TENT4B: variants seen among roughly 807,000 people sequenced by gnomAD.
TENT4B encodes the protein PAP associated domain containing 5.
A neutral mutation model predicts 75.0 loss-of-function variants in TENT4B; 10 were observed. The observed-to-expected ratio is 0.13, with a 90% CI of 0.08 to 0.23. The LOEUF (loss-of-function observed/expected upper bound fraction) is 0.23, where lower values mean the gene tolerates loss of function less well. Among genes scored for constraint, TENT4B ranks in the 10% least tolerant of loss-of-function variants. The pLI is 1.00. For synonymous variants in TENT4B, 350 were observed against 357.7 expected (o/e 0.98, Z 0.24); for missense variants, 579 against 893.8 (o/e 0.65, Z 4.49).
rs34176224 is a variant in TENT4B, at chr16:50,194,744, ATTTTTTTT to A, written c.639-16564_639-16557del. On this transcript the variant is annotated intron_variant, in intron 1 of 11. Transcript: ENST00000561678. ...AGGCGCTAGCCACCGTGCTTGGCTA[ATTTTTTTT>A]TTTTTTTTTTTTTTGAGACGGAGTC... Among the ~76,000 whole-genome samples, 29 of 69,402 alleles carry A rather than the reference ATTTTTTTT, an allele frequency of 4.2e-4. No homozygotes were observed. The East Asian group carries it at 8.1e-3, about 19-fold the overall frequency. The allele number at this position is 69,402 out of a possible 152,430, so 45.5% of individuals were successfully genotyped here. A position where few individuals can be genotyped will look rare whatever the true frequency, so the allele number is the denominator to read the frequency against.
rs116181664 is a variant in TENT4B at position 50,194,390 on chromosome 16, A to G, written c.639-16933A>G. Among the ~76,000 whole-genome samples, 973 of 150,410 alleles carry G rather than the reference A, an allele frequency of 6.5e-3. 9 individuals carry two copies. Among genetic ancestry groups the G allele is most frequent in the African/African-American group, 0.023 (935 of 40,962 alleles). On this transcript the variant is annotated intron_variant, in intron 1 of 11. Coordinates refer to ENST00000561678, the MANE Select transcript of TENT4B (RefSeq NM_001365324.3). ...GCCATCTTGCCTGGCTAGTTTTTGTATTTTTGTAGAGACGGGGTTTCATCA... is the reference window on the plus strand; with the variant it reads ...GCCATCTTGCCTGGCTAGTTTTTGTGTTTTTGTAGAGACGGGGTTTCATCA...
intron 1 of TENT4B, among the ~76,000 whole-genome samples, chr16:50,157,366 A>C (rs1049618357): frequency 6.6e-6 from 1 of 152,192 alleles, no homozygotes; most frequent in African/African-American, 2.4e-5. Flanking sequence ...TACTCACTTC[A>C]TGCTCTTGGT....
At chr16:50,192,677 T>C (rs944747869) in intron 1 of TENT4B, among the ~76,000 whole-genome samples, 2 of 152,230 alleles carry the variant, frequency 1.3e-5, no homozygotes, top group African/African-American at 4.8e-5. Context: ...TGACAATATA[T>C]AGATGAATGT....
intron 1 of TENT4B, among the ~76,000 whole-genome samples, chr16:50,159,296 G>C (rs920298308): frequency 1.3e-5 from 2 of 148,392 alleles, no homozygotes; most frequent in African/African-American, 5.0e-5. Context: ...CCAGGTTGGA[G>C]TGCAGTGGCG....
intron 1 of TENT4B, among the ~76,000 whole-genome samples, chr16:50,198,135 A>AG (rs397723630): frequency 6.7e-6 from 1 of 150,302 alleles, no homozygotes; most frequent in Non-Finnish European, 1.5e-5. Flanking sequence ...AAAAAAAAAA[A>AG]GCCGGGCACA....
Position 50,223,098 on chromosome 16 carries a change from T to G in TENT4B, c.1168-76T>G, listed in dbSNP as rs143898451. On this transcript the variant is annotated intron_variant, in intron 6 of 11. Transcript: ENST00000561678. ...ATTATAATAATATTGCTTGTAGAAG[T>G]TAGAATATAATTTATTCCCCCTCTC... 4.2e-4 allele frequency: 500 copies of G among 1,201,114 alleles called. 3 individuals are homozygous for G. In the East Asian group the frequency reaches 0.011, roughly 25 times the overall value. 74.4% of individuals were successfully genotyped at this position (1,201,114 alleles called of 1,614,324 possible). A position where few individuals can be genotyped will look rare whatever the true frequency, so the allele number is the denominator to read the frequency against.
At position 50,214,228 on chromosome 16, in the gene TENT4B, T is replaced by G; in HGVS notation, c.770T>G (p.Ile257Arg). 6.3e-7 allele frequency: 1 copy of G among 1,583,718 alleles called. No homozygotes were observed. Among genetic ancestry groups the G allele is most frequent in the Non-Finnish European group, 8.6e-7 (1 of 1,156,088 alleles). ...CTTCTTTTTCTGTTTCAGGTCCAGA[T>G]ATTTGGAAGTTTTAAAACTGGACTT... is the stretch of plus-strand genomic sequence containing the variant. ...KELWPSADVQ[I>R]FGSFKTGLYL... Residue 257 changes from isoleucine (I) to arginine (R), a missense_variant, in exon 3 of 12, where the codon ATA (isoleucine) becomes AGA (arginine). Around this residue, in one of 7 missense-constraint regions of TENT4B, gnomAD observed 18 missense variants for 23.9 expected, o/e 0.75. Coordinates refer to ENST00000561678, the MANE Select transcript of TENT4B (RefSeq NM_001365324.3).
At chr16:50,200,763 A>G (rs554979174) in intron 1 of TENT4B, among the ~76,000 whole-genome samples, 1 of 151,720 alleles carries the variant, frequency 6.6e-6, no homozygotes, top group Non-Finnish European at 1.5e-5. Flanking sequence ...GTCTATTTTG[A>G]ATACCTGCCT....
At chr16:50,159,500 A>G (rs1451118932) in intron 1 of TENT4B, among the ~76,000 whole-genome samples, 2 of 152,102 alleles carry the variant, frequency 1.3e-5, no homozygotes, top group South Asian at 4.2e-4. Flanking sequence ...TCGGCCGCCC[A>G]AAGTGCTGGG....
At position 50,227,909 on chromosome 16, in the gene TENT4B, G is replaced by A. The variant is rs377421957; in HGVS notation, c.1871G>A (p.Gly624Glu). Residue 624 changes from glycine to glutamate, a missense_variant, in exon 11 of 12, where the codon GGG (glycine) becomes GAG (glutamate). Around this residue, in one of 7 missense-constraint regions of TENT4B, gnomAD observed 164 missense variants for 226.5 expected, o/e 0.72. Coordinates refer to ENST00000561678, the MANE Select transcript of TENT4B (RefSeq NM_001365324.3). ...LCRPSTGNRV[G>E]SQDVSLESSQ... Reference sequence around the variant, plus strand: ...CGTCCGTCCACTGGGAACCGAGTAGGGTCGCAAGATGTATCCTTGGAGTCC... The same window carrying A: ...CGTCCGTCCACTGGGAACCGAGTAGAGTCGCAAGATGTATCCTTGGAGTCC... The A allele has an allele frequency of 1.2e-5, 20 of 1,613,868 alleles. No homozygotes were observed. In the African/African-American group the frequency reaches 2.0e-4, roughly 16 times the overall value.
intron 1 of TENT4B, among the ~76,000 whole-genome samples, chr16:50,189,618 A>G (rs923107351): frequency 4.0e-5 from 6 of 150,574 alleles, no homozygotes; most frequent in African/African-American, 1.5e-4. Flanking sequence ...TGTATATAAC[A>G]CATCTTATTT....
chr16:50,229,125 C>G, intron 11 of TENT4B, 27 bp from the exon 12 acceptor site: 1 of 1,610,056 alleles, frequency 6.2e-7, no homozygotes, highest in Non-Finnish European at 8.5e-7. Context: ...ATACTGATGT[C>G]TTTGTGGTCG....
intron 10 of TENT4B, among the ~76,000 whole-genome samples, chr16:50,225,814 C>T (rs1395747210): frequency 6.6e-6 from 1 of 151,658 alleles, no homozygotes; most frequent in Non-Finnish European, 1.5e-5. Flanking sequence ...TCCTGAGTAG[C>T]TGGGATTACA....
chr16:50,211,534 A>G (rs748314869), intron 2 of TENT4B, 88 bp downstream of exon 2: 172 of 1,387,532 alleles, frequency 1.2e-4, no homozygotes, highest in Non-Finnish European at 1.6e-4. Flanking sequence ...GCTAGTCCTC[A>G]CATGCAAGTA....
Position 50,153,671 on chromosome 16 carries a change from A to G in TENT4B, c.50A>G (p.Asn17Ser). ...CAGCCAGAGCAGCTCGGACCGTCCA[A>G]CAGTCTGTGGATGCAGATCTGGGAG... ...WFQPEQLGPS[N>S]SLWMQIWETT... The change falls in exon 1 of 12, where the codon AAC becomes AGC. Residue 17 changes from asparagine to serine, a missense_variant. Asn to Ser is a conservative substitution (Grantham distance 46). Coordinates refer to ENST00000561678, the MANE Select transcript of TENT4B (RefSeq NM_001365324.3). The G allele has an allele frequency of 9.8e-7, 1 of 1,016,124 alleles. No individual in the cohort carries two copies. Among genetic ancestry groups the G allele is most frequent in the Non-Finnish European group, 1.2e-6 (1 of 851,134 alleles). 62.9% of individuals were successfully genotyped at this position (1,016,124 alleles called of 1,614,324 possible).
intron 1 of TENT4B, among the ~76,000 whole-genome samples, chr16:50,160,153 C>T (rs1435323754): frequency 6.6e-6 from 1 of 152,174 alleles, no homozygotes; most frequent in Non-Finnish European, 1.5e-5. Flanking sequence ...CTGCCTTGGC[C>T]TCCCACAGTG....
Position 50,229,408 on chromosome 16 carries a change from T to C in TENT4B, c.*80T>C, listed in dbSNP as rs983072639. 2.2e-5 allele frequency: 33 copies of C among 1,504,270 alleles called. No homozygotes were observed. The highest frequency in any genetic ancestry group is 2.9e-5 in the Non-Finnish European group (33 of 1,133,842). 93.2% of individuals were successfully genotyped at this position (1,504,270 alleles called of 1,614,324 possible). ...GTTGCGCAGGGACTCCTGGGAGATA[T>C]TCAGGAGCCTCACACTGTTCAGACG... On this transcript the variant is annotated 3_prime_UTR_variant, in exon 12 of 12. Coordinates refer to ENST00000561678, the MANE Select transcript of TENT4B (RefSeq NM_001365324.3).
chr16:50,200,797 A>ATT (rs768302382), intron 1 of TENT4B, among the ~76,000 whole-genome samples: 1 of 142,832 alleles, frequency 7.0e-6, no homozygotes, highest in Non-Finnish European at 1.5e-5. Context: ...TGTGTTTTTT[A>ATT]TTTTTTTTTT....
intron 1 of TENT4B, among the ~76,000 whole-genome samples, chr16:50,176,738 CT>C (rs1404358578): frequency 6.6e-6 from 1 of 151,942 alleles, no homozygotes; most frequent in Non-Finnish European, 1.5e-5. Context: ...AACTCCTGAC[CT>C]CAAGTGATCC....
Sources: allele counts gnomAD v4.1 joint callset (sites outside exome capture counted in the v4.1 genomes callset), GRCh38; gene constraint gnomAD v4.1.1; regional missense constraint gnomAD v4.1.1; transcripts MANE v1.5; gene names NCBI Gene and HGNC (gene_info 2026-07-23, HGNC 2026-07-21).